The following SLC35F3 variants were observed in gnomAD, a reference collection of about 807,000 sequenced individuals.
SLC35F3 encodes putative thiamine transporter SLC35F3.
A neutral mutation model predicts 49.9 loss-of-function variants in SLC35F3; 25 were observed. The observed-to-expected ratio is 0.50, with a 90% CI of 0.37 to 0.70. The LOEUF is 0.70. Ranked by LOEUF, SLC35F3 falls within the 30% of genes least tolerant of loss-of-function variation. SLC35F3 has a pLI of 0.00. For missense variants in SLC35F3, 525 were observed against 639.8 expected (o/e 0.82, Z 1.94); for synonymous variants, 275 against 265.4 (o/e 1.04, Z -0.35).
intron 2 of SLC35F3, among the ~76,000 whole-genome samples, chr1:233,968,450 A>G (rs1454159938): frequency 6.6e-6 from 1 of 150,836 alleles, no homozygotes; most frequent in Non-Finnish European, 1.5e-5. Context: ...AAATGTGAGC[A>G]TAGTACTAAA....
At chr1:234,174,067 G>A (rs1035775534) in intron 2 of SLC35F3, among the ~76,000 whole-genome samples, 18 of 152,208 alleles carry the variant, frequency 1.2e-4, no homozygotes, top group South Asian at 4.1e-4. Flanking sequence ...ATACAAGCAC[G>A]AGCTGGACAG....
At chr1:234,019,626 T>G (rs1663861791) in intron 2 of SLC35F3, among the ~76,000 whole-genome samples, 1 of 152,154 alleles carries the variant, frequency 6.6e-6, no homozygotes, top group Non-Finnish European at 1.5e-5. Flanking sequence ...TTCCTCAACA[T>G]CCACAGATTT....
chr1:234,301,261 G>A (rs57645556), intron 3 of SLC35F3, among the ~76,000 whole-genome samples: 33,206 of 152,104 alleles, frequency 0.22, 4,250 homozygotes, highest in Middle Eastern at 0.33. Context: ...AGACAAGATC[G>A]GGCGTGTTCA....
At chr1:234,304,049 CT>C (rs1558104728) in intron 3 of SLC35F3, among the ~76,000 whole-genome samples, 47 of 104,814 alleles carry the variant, frequency 4.5e-4, no homozygotes, top group African/African-American at 1.7e-3. Flanking sequence ...TTCCTTCTTT[CT>C]TTCCTTCCTT....
chr1:234,147,846 C>G (rs1442147017), intron 2 of SLC35F3, among the ~76,000 whole-genome samples: 1 of 152,198 alleles, frequency 6.6e-6, no homozygotes, highest in Non-Finnish European at 1.5e-5. Context: ...GGTTCCACCC[C>G]CAGAGTCTCT....
Position 234,323,112 on chromosome 1 carries a change from G to A in SLC35F3, c.1342G>A (p.Asp448Asn). The change falls in exon 8 of 8, where the codon GAT becomes AAT. Residue 448 changes from aspartate (D) to asparagine (N), a missense_variant. Physicochemically the swap from Asp to Asn is conservative, Grantham distance 23. Coordinates refer to ENST00000366618, the MANE Select transcript of SLC35F3 (RefSeq NM_173508.4). This position sits in a 1 kb window ranked among gnomAD's most constrained non-coding sequence, Gnocchi z 4.5. ...FLLLLLPEEW[D>N]VWLIKLLTRL... Reference sequence around the variant, plus strand: ...CCTCCTGCTCCTGCCAGAGGAGTGGGATGTCTGGTTGATCAAGCTGCTCAC... The same window carrying A: ...CCTCCTGCTCCTGCCAGAGGAGTGGAATGTCTGGTTGATCAAGCTGCTCAC... 6.2e-7 allele frequency: 1 copy of A among 1,614,136 alleles called. No homozygotes were observed. The highest frequency in any genetic ancestry group is 8.5e-7 in the Non-Finnish European group (1 of 1,180,030).
intron 2 of SLC35F3, among the ~76,000 whole-genome samples, chr1:234,039,869 C>A (rs1159420242): frequency 6.6e-6 from 1 of 152,206 alleles, no homozygotes; most frequent in East Asian, 1.9e-4. Context: ...GGCACCGTTA[C>A]AATGCTCTCT....
At chr1:233,981,746 G>A (rs574470451) in intron 2 of SLC35F3, among the ~76,000 whole-genome samples, 1 of 151,978 alleles carries the variant, frequency 6.6e-6, no homozygotes, top group Non-Finnish European at 1.5e-5. Flanking sequence ...CTGCCAAAGT[G>A]TTTTTCAAAG....
intron 3 of SLC35F3, among the ~76,000 whole-genome samples, chr1:234,302,891 G>A (rs942804819): frequency 6.6e-6 from 1 of 152,078 alleles, no homozygotes; most frequent in Admixed American, 6.6e-5. Context: ...GCAATTCAAT[G>A]CATGCACATA....
intron 2 of SLC35F3, among the ~76,000 whole-genome samples, chr1:234,103,198 G>C (rs1665237777): frequency 6.6e-6 from 1 of 152,218 alleles, no homozygotes; most frequent in East Asian, 1.9e-4. Flanking sequence ...AGGTGCAGCT[G>C]CCTGGCTATG....
Position 234,320,899 on chromosome 1 carries a change from A to G in SLC35F3, c.1237+712A>G, listed in dbSNP as rs1016004649. On this transcript the variant is annotated intron_variant, in intron 7 of 7. Coordinates refer to ENST00000366618, the MANE Select transcript of SLC35F3 (RefSeq NM_173508.4). This position sits in a 1 kb window ranked among gnomAD's most constrained non-coding sequence, Gnocchi z 4.8. ...CCAGAACCTCCTGGCCTCATACCTG[A>G]CCTCCCTAGGCATCCTTCTCTCAGC... Among the ~76,000 whole-genome samples the G allele has an allele frequency of 6.6e-6, 1 of 151,160 alleles. No individual in the cohort carries two copies. The highest frequency in any genetic ancestry group is 1.5e-5 in the Non-Finnish European group (1 of 67,786).
intron 2 of SLC35F3, among the ~76,000 whole-genome samples, chr1:234,198,608 G>GTT (rs35947104): frequency 2.0e-4 from 30 of 151,936 alleles, no homozygotes; most frequent in African/African-American, 5.1e-4. Flanking sequence ...ACCTCATTGT[G>GTT]TTTTTTTAAA....
intron 2 of SLC35F3, among the ~76,000 whole-genome samples, chr1:233,943,449 T>C (rs1441747532): frequency 3.3e-5 from 5 of 152,266 alleles, no homozygotes; most frequent in Non-Finnish European, 7.3e-5. Flanking sequence ...TATGTTTATG[T>C]ATCATGTTCC....
chr1:233,980,234 G>A (rs1663159467), intron 2 of SLC35F3, among the ~76,000 whole-genome samples: 1 of 152,186 alleles, frequency 6.6e-6, no homozygotes, highest in African/African-American at 2.4e-5. Context: ...TACTTATTTT[G>A]CATCTACTAT....
chr1:234,079,515 A>G (rs1664843740), intron 2 of SLC35F3, among the ~76,000 whole-genome samples: 1 of 152,254 alleles, frequency 6.6e-6, no homozygotes, highest in Non-Finnish European at 1.5e-5. Context: ...TTTTGAGTTT[A>G]GCATTCAGAA....
At chr1:233,973,481 A>C (rs1663027715) in intron 2 of SLC35F3, among the ~76,000 whole-genome samples, 1 of 152,252 alleles carries the variant, frequency 6.6e-6, no homozygotes, top group Non-Finnish European at 1.5e-5. Context: ...ATGAGCTTTC[A>C]GAAATACTCA....
chr1:233,961,484 T>C (rs2102811495), intron 2 of SLC35F3, among the ~76,000 whole-genome samples: 1 of 140,046 alleles, frequency 7.1e-6, no homozygotes, highest in East Asian at 2.3e-4. Context: ...TGAGACAAAG[T>C]CTCGCTTTGT....
chr1:234,117,198 T>C (rs1051779374), intron 2 of SLC35F3, among the ~76,000 whole-genome samples: 2 of 152,208 alleles, frequency 1.3e-5, no homozygotes, highest in Non-Finnish European at 2.9e-5. Context: ...GGCCTACCCC[T>C]GCTGACACTA....
At chr1:234,193,448 A>G (rs935013807) in intron 2 of SLC35F3, among the ~76,000 whole-genome samples, 7 of 152,226 alleles carry the variant, frequency 4.6e-5, no homozygotes, top group Non-Finnish European at 1.0e-4. Flanking sequence ...TCAACTCAAA[A>G]TGGATCAAGG....
Sources: allele counts gnomAD v4.1 joint callset (sites outside exome capture counted in the v4.1 genomes callset), GRCh38; gene constraint gnomAD v4.1.1; non-coding constraint Gnocchi (gnomAD v3.1); transcripts MANE v1.5; gene names NCBI Gene and HGNC (gene_info 2026-07-23, HGNC 2026-07-21).